VPS8: variants seen among roughly 807,000 people sequenced by gnomAD.
The protein encoded by VPS8 is VPS8 subunit of CORVET complex.
A neutral mutation model predicts 216.4 loss-of-function variants in VPS8; 129 were observed. The observed-to-expected ratio is 0.60, with a 90% CI of 0.52 to 0.69. VPS8 has a LOEUF of 0.69. VPS8 is among the 30% of genes least tolerant of loss of function. The pLI is 0.00. For missense variants in VPS8, 1,531 were observed against 1,683.5 expected (o/e 0.91, Z 1.59); for synonymous variants, 571 against 565.4 (o/e 1.01, Z -0.14).
intron 21 of VPS8, among the ~76,000 whole-genome samples, chr3:184,873,118 T>C (rs1728651922): frequency 6.6e-6 from 1 of 152,158 alleles, no homozygotes; most frequent in South Asian, 2.1e-4. Context: ...GTATGTGACA[T>C]GTATTTTTAT....
intron 28 of VPS8, among the ~76,000 whole-genome samples, chr3:184,916,301 G>T (rs544540204): frequency 6.6e-6 from 1 of 152,104 alleles, no homozygotes; most frequent in African/African-American, 2.4e-5. Context: ...GAATTAAATG[G>T]TATTGTTGTT....
intron 42 of VPS8, among the ~76,000 whole-genome samples, chr3:184,991,057 T>C (rs565385190): frequency 6.6e-6 from 1 of 152,324 alleles, no homozygotes; most frequent in Non-Finnish European, 1.5e-5. Flanking sequence ...TATTACTTTC[T>C]CACTGAGGAA....
In VPS8 at chr3:184,928,653, T is replaced by C. The variant is rs1740121314; in HGVS notation, c.2714+120T>C. 8.7e-6 allele frequency: 7 copies of C among 803,248 alleles called. No homozygotes were observed. The South Asian group carries it at 4.1e-4, about 47-fold the overall frequency. The allele number at this position is 803,248 out of a possible 1,614,324, so 49.8% of individuals were successfully genotyped here. A position where few individuals can be genotyped will look rare whatever the true frequency, so the allele number is the denominator to read the frequency against. On this transcript the variant is annotated intron_variant, in intron 32 of 47. Coordinates refer to ENST00000625842, the MANE Select transcript of VPS8 (RefSeq NM_001009921.3). ...TTTTAATTAGGAAAGATTATACAAA[T>C]AACAAAAAGCTAAGGGTGAAAATTT...
Position 184,862,935 on chromosome 3 carries a change from A to G in VPS8, c.1263A>G (p.Val421=). The change falls in exon 16 of 48, where the codon GTA becomes GTG. Residue 421 remains valine (V), a synonymous_variant. Coordinates refer to ENST00000625842, the MANE Select transcript of VPS8 (RefSeq NM_001009921.3). ...NSRTVVLLDS[V]EKLHVIDRQT... ...GCACAGTTGTGCTCTTAGACAGCGT[A>G]GAGAAGTTGCATGTGATTGATCGGC... 1 of 1,613,954 alleles carries G rather than the reference A, an allele frequency of 6.2e-7. No homozygotes were observed. The highest frequency in any genetic ancestry group is 8.5e-7 in the Non-Finnish European group (1 of 1,179,822).
chr3:184,919,471 C>T (rs553513636), intron 28 of VPS8, among the ~76,000 whole-genome samples: 22 of 152,122 alleles, frequency 1.4e-4, no homozygotes, highest in African/African-American at 4.6e-4. Context: ...TTTTGTGACA[C>T]GCTGTTACAT....
At chr3:184,836,008 CAA>C (rs1721020494) in intron 5 of VPS8, among the ~76,000 whole-genome samples, 1 of 152,106 alleles carries the variant, frequency 6.6e-6, no homozygotes, top group African/African-American at 2.4e-5. Flanking sequence ...CTCGTCCAGC[CAA>C]GTTTGGATTT....
At chr3:185,000,114 T>C (rs1282731835) in intron 45 of VPS8, among the ~76,000 whole-genome samples, 1 of 152,204 alleles carries the variant, frequency 6.6e-6, no homozygotes, top group Non-Finnish European at 1.5e-5. Context: ...GTTGGACAGA[T>C]GAGGTGTACA....
At chr3:184,976,811 T>C (rs187831322) in intron 40 of VPS8, among the ~76,000 whole-genome samples, 1 of 152,338 alleles carries the variant, frequency 6.6e-6, no homozygotes, top group East Asian at 1.9e-4. Context: ...TTTTTATGGC[T>C]GCATAGTATT....
At chr3:185,004,033 G>A (rs1753851715) in intron 45 of VPS8, among the ~76,000 whole-genome samples, 1 of 152,166 alleles carries the variant, frequency 6.6e-6, no homozygotes, top group South Asian at 2.1e-4. Flanking sequence ...TCACTTTCCA[G>A]ACTGGGCAGC....
At chr3:184,849,383 G>A in intron 9 of VPS8, 188 bp downstream of exon 9, 1 of 593,984 alleles carries the variant, frequency 1.7e-6, no homozygotes, top group East Asian at 3.8e-5. Context: ...GACTGACCCA[G>A]AGTCTGTAAT....
intron 1 of VPS8, among the ~76,000 whole-genome samples, chr3:184,822,645 A>G (rs974888252): frequency 6.6e-6 from 1 of 152,236 alleles, no homozygotes; most frequent in Non-Finnish European, 1.5e-5. Flanking sequence ...TAGATTGTGC[A>G]TGTTTGTAAA....
intron 8 of VPS8, among the ~76,000 whole-genome samples, chr3:184,846,564 A>T (rs1723171665): frequency 6.6e-6 from 1 of 152,244 alleles, no homozygotes; most frequent in Non-Finnish European, 1.5e-5. Flanking sequence ...TAGTAGTGAG[A>T]GTCTTTAAGT....
intron 46 of VPS8, among the ~76,000 whole-genome samples, chr3:185,035,172 T>G (rs1483397766): frequency 6.6e-6 from 1 of 152,158 alleles, no homozygotes; most frequent in Non-Finnish European, 1.5e-5. Context: ...CGAATTATAC[T>G]TCTTTCTACC....
intron 42 of VPS8, among the ~76,000 whole-genome samples, chr3:184,987,689 A>G (rs1210770688): frequency 6.6e-6 from 1 of 152,188 alleles, no homozygotes; most frequent in Non-Finnish European, 1.5e-5. Flanking sequence ...AACAGCTATG[A>G]ACATTCATAT....
intron 46 of VPS8, 142 bp downstream of exon 46, chr3:185,024,531 C>A: frequency 2.0e-6 from 2 of 997,090 alleles, no homozygotes; most frequent in Non-Finnish European, 2.9e-6. Flanking sequence ...GCTTTAATGA[C>A]ATGTCTCCAG....
At chr3:184,987,195 C>A (rs1473376528) in intron 42 of VPS8, among the ~76,000 whole-genome samples, 2 of 152,130 alleles carry the variant, frequency 1.3e-5, no homozygotes, top group Non-Finnish European at 2.9e-5. Flanking sequence ...CTCACTGCAA[C>A]GTCCACCTCC....
chr3:184,948,735 C>T (rs1289097662), intron 36 of VPS8, among the ~76,000 whole-genome samples: 3 of 152,162 alleles, frequency 2.0e-5, no homozygotes, highest in African/African-American at 7.2e-5. Context: ...GACATGGCAC[C>T]AGGCTAGTTA....
Position 184,964,491 on chromosome 3 carries a change from T to C in VPS8, c.3207T>C (p.His1069=). The C allele has an allele frequency of 9.2e-6, 14 of 1,515,730 alleles. No homozygotes were observed. The highest frequency in any genetic ancestry group is 1.2e-5 in the Non-Finnish European group (13 of 1,126,526). The allele number at this position is 1,515,730 out of a possible 1,614,324, so 93.9% of individuals were successfully genotyped here. A position where few individuals can be genotyped will look rare whatever the true frequency, so the allele number is the denominator to read the frequency against. ...AGATTACTCAGAAGTATCAACTTCATGAAGTCACCGCTTATCTATTGGAAA... is the reference window on the plus strand; with the variant it reads ...AGATTACTCAGAAGTATCAACTTCACGAAGTCACCGCTTATCTATTGGAAA... ...TIQITQKYQL[H]EVTAYLLEKK... The change falls in exon 38 of 48, where the codon CAT becomes CAC. Residue 1069 remains histidine (H), a synonymous_variant. Transcript: ENST00000625842.
At chr3:185,051,264 G>A (rs1321806013) in intron 47 of VPS8, among the ~76,000 whole-genome samples, 3 of 152,190 alleles carry the variant, frequency 2.0e-5, no homozygotes, top group Non-Finnish European at 2.9e-5. Context: ...GGTACTGCTA[G>A]TGTCATTGGT....
Sources: allele counts gnomAD v4.1 joint callset (sites outside exome capture counted in the v4.1 genomes callset), GRCh38; gene constraint gnomAD v4.1.1; transcripts MANE v1.5; gene names NCBI Gene and HGNC (gene_info 2026-07-23, HGNC 2026-07-21).